Variants in CACNA1H observed in about 807,000 individuals in gnomAD.
CACNA1H encodes voltage-dependent T-type calcium channel subunit alpha-1H.
CACNA1H carries 149 observed loss-of-function variants against 192.5 expected under a neutral mutation model. The observed-to-expected ratio is 0.77, with a 90% CI of 0.68 to 0.89. The LOEUF (loss-of-function observed/expected upper bound fraction) is 0.89, where lower values mean the gene tolerates loss of function less well. Among genes scored for constraint, CACNA1H ranks in the 40% least tolerant of loss-of-function variants. CACNA1H has a pLI of 0.00. For missense variants in CACNA1H, 4,257 were observed against 3,423.5 expected, an observed-to-expected ratio of 1.24 and a Z score of -6.08; for synonymous variants, 2,202 against 1,475.2, an observed-to-expected ratio of 1.49 and a Z score of -11.29.
In CACNA1H at chr16:1,163,011, G is replaced by C. The variant is rs569546582; in HGVS notation, c.299+8975G>C. Among the ~76,000 whole-genome samples the C allele has an allele frequency of 5.3e-5, 8 of 152,346 alleles. 1 individual carries two copies. The highest frequency in any genetic ancestry group is 2.6e-4 in the Admixed American group (4 of 15,308). Reference sequence around the variant, plus strand: ...CAAAGGCTGTGGGGGCACAGTGGCCGGTGCTCTGCCTGCCTGGACCTTGGG... The same window carrying C: ...CAAAGGCTGTGGGGGCACAGTGGCCCGTGCTCTGCCTGCCTGGACCTTGGG... On this transcript the variant is annotated intron_variant, in intron 2 of 34. Coordinates refer to ENST00000348261, the MANE Select transcript of CACNA1H (RefSeq NM_021098.3).
In CACNA1H at chr16:1,211,516, C is replaced by G. The variant is rs142856193; in HGVS notation, c.4386C>G (p.Pro1462=). The change falls in exon 23 of 35, where the codon CCC becomes CCG. Residue 1462 remains proline, a synonymous_variant. Transcript: ENST00000348261. ...FKGKFYYCEG[P]DTRNISTKAQ... is the part of the protein sequence containing the mutation. Reference sequence around the variant, plus strand: ...GGAAGTTCTACTACTGCGAGGGCCCCGACACCAGGAACATCTCCACCAAGG... The same window carrying G: ...GGAAGTTCTACTACTGCGAGGGCCCGGACACCAGGAACATCTCCACCAAGG... 3.7e-6 allele frequency: 6 copies of G among 1,612,444 alleles called. No individual in the cohort carries two copies. Among genetic ancestry groups the G allele is most frequent in the East Asian group, 2.2e-5 (1 of 44,862 alleles).
At position 1,153,829 on chromosome 16, in the gene CACNA1H, A is replaced by C; in HGVS notation, c.92A>C (p.Glu31Ala). 1 of 1,287,600 alleles carries C rather than the reference A, an allele frequency of 7.8e-7. No homozygotes were observed. The highest frequency in any genetic ancestry group is 9.8e-7 in the Non-Finnish European group (1 of 1,019,260). 79.8% of individuals were successfully genotyped at this position (1,287,600 alleles called of 1,614,324 possible). The stretch of plus-strand genomic sequence containing the variant: ...GCGGCGTTGGTGGGGGCGTCCCCGG[A>C]GAGCCCCGGGGCGCCGGGACGCGAG... ...GPAALVGASP[E>A]SPGAPGREAE... The change falls in exon 2 of 35, where the codon GAG becomes GCG. Residue 31 changes from glutamate (E) to alanine (A), a missense_variant. Transcript: ENST00000348261.
Position 1,205,273 on chromosome 16 carries a change from C to G in CACNA1H, c.2603+8C>G, listed in dbSNP as rs761715073. ...CATCATCGTGGTCATCAGGTGGGTC[C>G]CCACCCTCTCCCCAGGAAGAGGGGC... On this transcript the variant is annotated splice_region_variant and intron_variant, in intron 11 of 34. Coordinates refer to ENST00000348261, the MANE Select transcript of CACNA1H (RefSeq NM_021098.3). The G allele has an allele frequency of 1.4e-5, 22 of 1,592,174 alleles. No individual in the cohort carries two copies. In the African/African-American group the frequency reaches 2.7e-4, roughly 19 times the overall value.
intron 6 of CACNA1H, among the ~76,000 whole-genome samples, chr16:1,199,513 C>T (rs1013473528): frequency 2.7e-5 from 4 of 148,952 alleles, no homozygotes; most frequent in East Asian, 2.0e-4. Context: ...ATGTCCCACC[C>T]CCAGTGCTGC....
intron 26 of CACNA1H, among the ~76,000 whole-genome samples, chr16:1,213,071 C>T (rs1331594930): frequency 2.0e-5 from 3 of 152,350 alleles, no homozygotes; most frequent in East Asian, 3.9e-4. Flanking sequence ...GCCCTGGAGG[C>T]TGAGCATTCA....
At chr16:1,214,927 G>T in intron 27 of CACNA1H, 45 bp from the exon 28 acceptor site, 2 of 1,401,430 alleles carry the variant, frequency 1.4e-6, no homozygotes, top group Non-Finnish European at 2.0e-6. Context: ...GGGGAAGAGG[G>T]GTGGCCCCAG....
At chr16:1,214,923 G>A in intron 27 of CACNA1H, 49 bp from the exon 28 acceptor site, 1 of 1,385,410 alleles carries the variant, frequency 7.2e-7, no homozygotes, top group African/African-American at 1.4e-5. Context: ...CCAGGGGGAA[G>A]AGGGGTGGCC....
In CACNA1H at chr16:1,207,418, C is replaced by T. The variant is rs747978364; in HGVS notation, c.3051C>T (p.Gly1017=). The T allele has an allele frequency of 2.5e-6, 4 of 1,613,012 alleles. No individual in the cohort carries two copies. Among genetic ancestry groups the T allele is most frequent in the South Asian group, 1.1e-5 (1 of 91,046 alleles). Residue 1017 remains glycine, a synonymous_variant, in exon 14 of 35, where the codon GGC becomes GGT. Coordinates refer to ENST00000348261, the MANE Select transcript of CACNA1H (RefSeq NM_021098.3). ...FNLLVAILVE[G]FQAEGDANRS... ...TGCTGGTGGCCATCCTCGTGGAGGG[C>T]TTCCAGGCGGAGGTGAGGGGGCAGG...
At chr16:1,217,070 C>T (rs1970087347) in intron 31 of CACNA1H, 60 bp downstream of exon 31, 4 of 1,386,926 alleles carry the variant, frequency 2.9e-6, no homozygotes, top group Non-Finnish European at 3.0e-6. Context: ...CGCCCCTGTG[C>T]CCATCCACTC....
At chr16:1,200,639 C>T in intron 7 of CACNA1H, 68 bp downstream of exon 7, 1 of 1,595,208 alleles carries the variant, frequency 6.3e-7, no homozygotes, top group South Asian at 1.1e-5. Context: ...GACTCGCCCC[C>T]CCCAGCCCAG....
intron 5 of CACNA1H, among the ~76,000 whole-genome samples, 182 bp from the exon 6 acceptor site, chr16:1,198,433 G>A (rs1430957048): frequency 1.3e-5 from 2 of 152,116 alleles, no homozygotes; most frequent in East Asian, 1.9e-4. Flanking sequence ...GTGGTAGGAG[G>A]GGAGTCCCGA....
Position 1,218,999 on chromosome 16 carries a change from G to T in CACNA1H, c.5917G>T (p.Ala1973Ser). The stretch of plus-strand genomic sequence containing the variant: ...CGTTGCCTCTGTGCACTCTCCGCCC[G>T]CAGAGTCCTGTGCCTCCCTCCAGAT... ...GSVASVHSPP[A>S]ESCASLQIPL... The change falls in exon 34 of 35, where the codon GCA (alanine) becomes TCA (serine). Residue 1973 changes from alanine (A) to serine (S), a missense_variant. Transcript: ENST00000348261. 1 of 1,550,238 alleles carries T rather than the reference G, an allele frequency of 6.5e-7. No individual in the cohort carries two copies. Among genetic ancestry groups the T allele is most frequent in the East Asian group, 2.4e-5 (1 of 40,898 alleles).
At chr16:1,206,397 C>T in intron 12 of CACNA1H, 108 bp downstream of exon 12, 1 of 1,017,144 alleles carries the variant, frequency 9.8e-7, no homozygotes, top group Non-Finnish European at 1.4e-6. Flanking sequence ...CACCAGCAGC[C>T]CCAGAGCATC....
intron 5 of CACNA1H, among the ~76,000 whole-genome samples, chr16:1,198,084 C>T (rs1404269116): frequency 6.6e-6 from 1 of 152,160 alleles, no homozygotes; most frequent in East Asian, 1.9e-4. Context: ...TTCAGGATCC[C>T]AGACCTGCTG....
chr16:1,167,580 C>CTACTAAT lies in CACNA1H; in HGVS notation c.299+13544_299+13545insTACTAAT, dbSNP rs1963926413. Among the ~76,000 whole-genome samples, 1 of 152,220 alleles carries CTACTAAT rather than the reference C, an allele frequency of 6.6e-6. No homozygotes were observed. The highest frequency in any genetic ancestry group is 2.1e-4 in the South Asian group (1 of 4,828). The stretch of plus-strand genomic sequence containing the variant: ...AAGGCTGGAGCCACACTCCTCACCG[C>CTACTAAT]GGCGGTGCCACTAATGGGGTTGCCG... On this transcript the variant is annotated intron_variant, in intron 2 of 34. Transcript: ENST00000348261. The surrounding 1 kb of genome is among the most constrained non-coding windows in gnomAD (Gnocchi z 4.2).
At chr16:1,181,865 C>G (rs1268624009) in intron 2 of CACNA1H, among the ~76,000 whole-genome samples, 2 of 152,174 alleles carry the variant, frequency 1.3e-5, no homozygotes, top group African/African-American at 4.8e-5. Flanking sequence ...CACACCCACA[C>G]CCGGACACGC....
Position 1,221,051 on chromosome 16 carries a change from G to T in CACNA1H, c.*57G>T. ...CCTGGGGTCTGGGGGCCCCGCTGGG[G>T]TGGAGGCCCAGGCAGAACCCTGCAT... is the stretch of plus-strand genomic sequence containing the variant. On this transcript the variant is annotated 3_prime_UTR_variant, in exon 35 of 35. Coordinates refer to ENST00000348261, the MANE Select transcript of CACNA1H (RefSeq NM_021098.3). 7.4e-7 allele frequency: 1 copy of T among 1,358,388 alleles called. No individual in the cohort carries two copies. The highest frequency in any genetic ancestry group is 2.5e-5 in the East Asian group (1 of 40,562). The allele number at this position is 1,358,388 out of a possible 1,614,324, so 84.1% of individuals were successfully genotyped here.
At chr16:1,173,970 G>A (rs539630838) in intron 2 of CACNA1H, among the ~76,000 whole-genome samples, 3 of 152,240 alleles carry the variant, frequency 2.0e-5, no homozygotes, top group Admixed American at 6.5e-5. Context: ...GGGACCTCAC[G>A]TCACGTGGGG....
intron 14 of CACNA1H, 145 bp from the exon 15 acceptor site, chr16:1,207,625 C>T: frequency 1.1e-6 from 1 of 913,076 alleles, no homozygotes; most frequent in African/African-American, 1.6e-5. Context: ...GATTCCTCAC[C>T]TACCTGCCCA....
Sources: gnomAD v4.1 joint callset for allele counts (sites outside exome capture counted in the v4.1 genomes callset) on GRCh38, gnomAD v4.1.1 for gene constraint, Gnocchi (gnomAD v3.1) non-coding constraint, MANE v1.5 for transcripts, NCBI Gene and HGNC (gene_info 2026-07-23, HGNC 2026-07-21) for gene names.